Variants in SRRM4 observed in about 807,000 individuals in gnomAD.
SRRM4 encodes the protein serine/arginine repetitive matrix 4.
In SRRM4, 33 loss-of-function variants were observed where a neutral mutation model predicts 68.9. That is an observed-to-expected ratio of 0.48 (90% CI 0.36 to 0.64). SRRM4 has a LOEUF of 0.64. Among genes scored for constraint, SRRM4 ranks in the 30% least tolerant of loss-of-function variants. The probability of loss-of-function intolerance (pLI) is 0.00; values close to 1 mark genes in which losing one functional copy is unlikely to be tolerated. For synonymous variants in SRRM4, 318 were observed against 318.8 expected, an observed-to-expected ratio of 1.00 and a Z score of 0.03; for missense variants, 817 against 827.1, an observed-to-expected ratio of 0.99 and a Z score of 0.15.
chr12:119,055,738 G>A (rs1263131347), intron 1 of SRRM4, among the ~76,000 whole-genome samples: 7 of 152,176 alleles, frequency 4.6e-5, no homozygotes, highest in East Asian at 1.9e-4. Context: ...ATTCTGCCTC[G>A]AACAGCAGCA....
At chr12:119,089,014 A>C (rs1469464419) in intron 1 of SRRM4, among the ~76,000 whole-genome samples, 1 of 152,190 alleles carries the variant, frequency 6.6e-6, no homozygotes, top group Non-Finnish European at 1.5e-5. Context: ...TCACAGCTTG[A>C]AAATGGCAGG....
At chr12:119,103,969 C>T (rs1290133110) in intron 2 of SRRM4, among the ~76,000 whole-genome samples, 1 of 152,142 alleles carries the variant, frequency 6.6e-6, no homozygotes, top group Non-Finnish European at 1.5e-5. Context: ...CACCACAGCG[C>T]TTCAGCCTGG....
rs1407609318 is a variant in SRRM4, at chr12:119,163,010, T to C, written c.*6212T>C. The stretch of plus-strand genomic sequence containing the variant: ...CTGGTTTTTCAGCCTGTACGAAACA[T>C]GTCTCTGTTCTAATTAAAGTTCCCA... On this transcript the variant is annotated 3_prime_UTR_variant, in exon 13 of 13. Transcript: ENST00000267260. 1.3e-5 allele frequency: 2 copies of C among 152,210 alleles called. No individual in the cohort carries two copies. The highest frequency in any genetic ancestry group is 2.9e-5 in the Non-Finnish European group (2 of 68,038). 9.4% of individuals were successfully genotyped at this position (152,210 alleles called of 1,614,324 possible).
At position 119,120,231 on chromosome 12, in the gene SRRM4, T is replaced by C. The variant is rs1954210744; in HGVS notation, c.438-19T>C. On this transcript the variant is annotated intron_variant, in intron 4 of 12. Coordinates refer to ENST00000267260, the MANE Select transcript of SRRM4 (RefSeq NM_194286.4). ...TTCTTTGATTCTTCTTTTCATTTTT[T>C]TTCTTTCTTTCTTTTCAGGTCATTC... 1.3e-6 allele frequency: 2 copies of C among 1,531,022 alleles called. No individual in the cohort carries two copies. 94.8% of individuals were successfully genotyped at this position (1,531,022 alleles called of 1,614,324 possible).
rs1340793882 is a variant in SRRM4, at chr12:119,160,929, A to G, written c.*4131A>G. Reference sequence around the variant, plus strand: ...TTCACTGAGGTTTGATCATATTCCTATCTGCATTCCTTCCCTTCTTTGAAG... The same window carrying G: ...TTCACTGAGGTTTGATCATATTCCTGTCTGCATTCCTTCCCTTCTTTGAAG... On this transcript the variant is annotated 3_prime_UTR_variant, in exon 13 of 13. Coordinates refer to ENST00000267260, the MANE Select transcript of SRRM4 (RefSeq NM_194286.4). 1 of 152,242 alleles carries G rather than the reference A, an allele frequency of 6.6e-6. No individual in the cohort carries two copies. The highest frequency in any genetic ancestry group is 1.5e-5 in the Non-Finnish European group (1 of 68,046). 9.4% of individuals were successfully genotyped at this position (152,242 alleles called of 1,614,324 possible).
intron 1 of SRRM4, among the ~76,000 whole-genome samples, chr12:119,030,106 T>C (rs554052649): frequency 6.6e-6 from 1 of 152,184 alleles, no homozygotes; most frequent in Non-Finnish European, 1.5e-5. Flanking sequence ...CAGAGGTAAC[T>C]GAAATGCGAG....
chr12:119,056,242 C>T (rs1032607209), intron 1 of SRRM4, among the ~76,000 whole-genome samples: 4 of 152,216 alleles, frequency 2.6e-5, no homozygotes, highest in African/African-American at 7.2e-5. Flanking sequence ...GACCACAGTG[C>T]CTCGTGCAGC....
At chr12:118,999,257 G>T (rs138584361) in intron 1 of SRRM4, among the ~76,000 whole-genome samples, 2 of 152,136 alleles carry the variant, frequency 1.3e-5, no homozygotes, top group Non-Finnish European at 2.9e-5. Context: ...ATTTCTGGCC[G>T]TGTGTTCTGC....
intron 8 of SRRM4, among the ~76,000 whole-genome samples, chr12:119,132,526 A>C (rs1320736290): frequency 6.6e-6 from 1 of 152,216 alleles, no homozygotes; most frequent in Non-Finnish European, 1.5e-5. Context: ...ATACATTCTT[A>C]CATGTCTGGG....
chr12:119,055,407 C>T (rs1325476422), intron 1 of SRRM4, among the ~76,000 whole-genome samples: 6 of 152,110 alleles, frequency 3.9e-5, no homozygotes, highest in African/African-American at 1.4e-4. Flanking sequence ...TTTTTCCCCT[C>T]CAGGGTTTCC....
chr12:119,070,217 GAAAAAA>G (rs35318757), intron 1 of SRRM4, among the ~76,000 whole-genome samples: 1 of 145,402 alleles, frequency 6.9e-6, no homozygotes, highest in Admixed American at 6.9e-5. Flanking sequence ...ACACAGGTGA[GAAAAAA>G]AAAAAAAAAA....
chr12:119,112,045 C>CAA (rs1293501903), intron 2 of SRRM4, among the ~76,000 whole-genome samples: 2 of 137,556 alleles, frequency 1.5e-5, no homozygotes, highest in East Asian at 2.2e-4. Flanking sequence ...AACTGCGTCT[C>CAA]AAAAAAAAGA....
chr12:119,028,696 G>C (rs970759867), intron 1 of SRRM4, among the ~76,000 whole-genome samples: 1 of 152,170 alleles, frequency 6.6e-6, no homozygotes. Flanking sequence ...GGTCACCCTG[G>C]CTCCAAAGTC....
chr12:119,120,594 C>G lies in SRRM4; in HGVS notation c.464+318C>G, dbSNP rs139476852. Among the ~76,000 whole-genome samples the G allele has an allele frequency of 6.0e-4, 91 of 152,278 alleles. 1 individual carries two copies. In the East Asian group the frequency reaches 6.6e-3, roughly 11 times the overall value. ...CACATAGGGAAACAGTCCTGTCACACCACCAAAACCTTCCCAGATCTGGCC... is the reference window on the plus strand; with the variant it reads ...CACATAGGGAAACAGTCCTGTCACAGCACCAAAACCTTCCCAGATCTGGCC... On this transcript the variant is annotated intron_variant, in intron 5 of 12. Transcript: ENST00000267260.
intron 1 of SRRM4, among the ~76,000 whole-genome samples, chr12:119,043,982 T>C (rs1953688163): frequency 6.6e-6 from 1 of 152,288 alleles, no homozygotes. Flanking sequence ...TTCTCCTGCC[T>C]CAACCTCCCA....
chr12:119,056,689 C>T (rs190428533), intron 1 of SRRM4, among the ~76,000 whole-genome samples: 4 of 152,278 alleles, frequency 2.6e-5, no homozygotes, highest in African/African-American at 9.6e-5. Flanking sequence ...CTTGTTCTCA[C>T]TCGGCCTTCT....
At chr12:119,088,786 G>A (rs1953995798) in intron 1 of SRRM4, among the ~76,000 whole-genome samples, 1 of 152,150 alleles carries the variant, frequency 6.6e-6, no homozygotes, top group South Asian at 2.1e-4. Flanking sequence ...GGCACTCTGG[G>A]CAGAGGGATC....
chr12:119,133,727 T>G (rs1420720933), intron 8 of SRRM4, among the ~76,000 whole-genome samples: 1 of 152,230 alleles, frequency 6.6e-6, no homozygotes, highest in Non-Finnish European at 1.5e-5. Flanking sequence ...ATCACCTGTC[T>G]GATCATTCAT....
chr12:119,081,094 C>T (rs533012799), intron 1 of SRRM4, among the ~76,000 whole-genome samples: 5 of 152,132 alleles, frequency 3.3e-5, no homozygotes, highest in East Asian at 3.9e-4. Flanking sequence ...TTCAAAGATC[C>T]GAGAAATAGC....
Sources: allele counts gnomAD v4.1 joint callset (sites outside exome capture counted in the v4.1 genomes callset), GRCh38; gene constraint gnomAD v4.1.1; transcripts MANE v1.5; gene names NCBI Gene and HGNC (gene_info 2026-07-23, HGNC 2026-07-21).